The following PLCB4 variants were observed in gnomAD, a reference collection of about 807,000 sequenced individuals.
PLCB4 encodes the protein 1-phosphatidylinositol 4,5-bisphosphate phosphodiesterase beta-4.
In PLCB4, 77 loss-of-function variants were observed where a neutral mutation model predicts 178.8. The observed-to-expected ratio is 0.43, with a 90% CI of 0.36 to 0.52. The LOEUF (loss-of-function observed/expected upper bound fraction) is 0.52. Ranked by LOEUF, PLCB4 falls within the 20% of genes least tolerant of loss-of-function variation. The pLI is 0.00. For missense variants in PLCB4, 1,024 were observed against 1,453.4 expected (o/e 0.70, Z 4.80); for synonymous variants, 496 against 490.8 (o/e 1.01, Z -0.14).
chr20:9,382,118 C>T (rs1040936183), intron 13 of PLCB4, among the ~76,000 whole-genome samples: 1 of 152,168 alleles, frequency 6.6e-6, no homozygotes, highest in Non-Finnish European at 1.5e-5. Flanking sequence ...TAAAATAGTA[C>T]CGTTATTTAC....
Position 9,401,503 on chromosome 20 carries a change from G to C in PLCB4, c.1524G>C (p.Glu508Asp), listed in dbSNP as rs766115341. The part of the protein sequence containing the change: ...EEEIESADQE[E>D]EAHPEFKFGN... Reference sequence around the variant, plus strand: ...TCTTTCACACAGCTGACCAAGAGGAGGAAGCTCACCCCGAATTCAAATTTG... The same window carrying C: ...TCTTTCACACAGCTGACCAAGAGGACGAAGCTCACCCCGAATTCAAATTTG... The change falls in exon 20 of 40, where the codon GAG becomes GAC. Residue 508 changes from glutamate (E) to aspartate (D), a missense_variant. Physicochemically the swap from Glu to Asp is conservative, Grantham distance 45. Around this residue, in one of 7 missense-constraint regions of PLCB4, gnomAD observed 263 missense variants for 417.4 expected, o/e 0.63. Coordinates refer to ENST00000378473, the MANE Select transcript of PLCB4 (RefSeq NM_001377142.1). 8.7e-6 allele frequency: 14 copies of C among 1,613,120 alleles called. No individual in the cohort carries two copies. In the South Asian group the frequency reaches 9.9e-5, roughly 11 times the overall value.
intron 5 of PLCB4, among the ~76,000 whole-genome samples, chr20:9,337,594 C>A (rs1180827050): frequency 1.3e-5 from 2 of 151,976 alleles, no homozygotes; most frequent in African/African-American, 4.8e-5. Context: ...GGACTTAATT[C>A]GATGTATGGT....
intron 3 of PLCB4, among the ~76,000 whole-genome samples, chr20:9,228,855 C>T (rs1338964217): frequency 1.3e-5 from 2 of 152,098 alleles, no homozygotes; most frequent in Non-Finnish European, 2.9e-5. Context: ...ACTTCTGGGC[C>T]CATGCAGAAC....
chr20:9,316,058 A>G, intron 4 of PLCB4, among the ~76,000 whole-genome samples: 1 of 152,192 alleles, frequency 6.6e-6, no homozygotes, highest in Non-Finnish European at 1.5e-5. Flanking sequence ...TGTCGAAAGA[A>G]GAGCACCAAG....
chr20:9,084,891 A>C (rs1445146982), intron 1 of PLCB4, among the ~76,000 whole-genome samples: 2 of 152,046 alleles, frequency 1.3e-5, no homozygotes, highest in African/African-American at 4.8e-5. Flanking sequence ...TCTCTACTGA[A>C]AATACAAAAA....
rs2036383295 is a variant in PLCB4 at position 9,373,063 on chromosome 20, G to A, written c.703G>A (p.Asp235Asn). 2.0e-6 allele frequency: 3 copies of A among 1,523,766 alleles called. No individual in the cohort carries two copies. 94.4% of individuals were successfully genotyped at this position (1,523,766 alleles called of 1,614,324 possible). The change falls in exon 12 of 40, where the codon GAT becomes AAT. Residue 235 changes from aspartate to asparagine, a missense_variant. By Grantham distance (23) the Asp-to-Asn change is conservative (BLOSUM62 1). Around this residue, in one of 7 missense-constraint regions of PLCB4, gnomAD observed 225 missense variants for 291.0 expected, o/e 0.77. Coordinates refer to ENST00000378473, the MANE Select transcript of PLCB4 (RefSeq NM_001377142.1). The stretch of plus-strand genomic sequence containing the variant: ...TCTTTTCAGCAATGGAGACAAAACT[G>A]ATTATTTAACGGTAGACCAATTAGT... Reference protein sequence around the residue: ...LFKKINGDKTDYLTVDQLVSF... With the variant: ...LFKKINGDKTNYLTVDQLVSF...
rs1370858844 is a variant in PLCB4 at position 9,379,516 on chromosome 20, T to C, written c.745-538T>C. 2.6e-5 allele frequency among the ~76,000 whole-genome samples: 4 copies of C among 152,178 alleles called. No individual in the cohort carries two copies. In the South Asian group the frequency reaches 8.3e-4, roughly 31 times the overall value. ...AATAGTTACTCAAGAAAATGAAATT[T>C]GTTGAGTGCCCAAGAAATCATGGAT... On this transcript the variant is annotated intron_variant, in intron 12 of 39. Coordinates refer to ENST00000378473, the MANE Select transcript of PLCB4 (RefSeq NM_001377142.1).
chr20:9,098,750 T>TGTGTGTGC (rs1475536640), intron 2 of PLCB4, among the ~76,000 whole-genome samples: 1 of 147,226 alleles, frequency 6.8e-6, no homozygotes, highest in East Asian at 2.0e-4. Flanking sequence ...TATGTGTGTG[T>TGTGTGTGC]GTGTGTGTGT....
At chr20:9,352,156 AT>A (rs1012332989) in intron 7 of PLCB4, among the ~76,000 whole-genome samples, 8 of 152,158 alleles carry the variant, frequency 5.3e-5, no homozygotes, top group Non-Finnish European at 4.4e-5. Context: ...CAAAAATCTT[AT>A]TTTATTTTTG....
At chr20:9,221,093 A>G (rs1205540020) in intron 3 of PLCB4, among the ~76,000 whole-genome samples, 1 of 151,522 alleles carries the variant, frequency 6.6e-6, no homozygotes, top group Non-Finnish European at 1.5e-5. Context: ...GGCTCCCAGG[A>G]GAAACTAGTG....
intron 7 of PLCB4, among the ~76,000 whole-genome samples, chr20:9,349,053 TA>T (rs763846898): frequency 3.3e-3 from 443 of 133,920 alleles, no homozygotes; most frequent in Middle Eastern, 7.9e-3. Flanking sequence ...TACAGGATAG[TA>T]AAAAAAAAAA....
chr20:9,459,081 C>T (rs987816524), intron 34 of PLCB4, among the ~76,000 whole-genome samples: 6 of 152,200 alleles, frequency 3.9e-5, no homozygotes, highest in African/African-American at 7.2e-5. Flanking sequence ...TGGTGGCTCA[C>T]GCCTGTAATC....
At chr20:9,168,327 G>A (rs764789122) in intron 2 of PLCB4, among the ~76,000 whole-genome samples, 1 of 152,134 alleles carries the variant, frequency 6.6e-6, no homozygotes, top group Non-Finnish European at 1.5e-5. Flanking sequence ...GAGACAAGGT[G>A]TGCAAGGCTT....
At chr20:9,406,490 CA>C (rs1217785402) in intron 21 of PLCB4, among the ~76,000 whole-genome samples, 24 of 148,246 alleles carry the variant, frequency 1.6e-4, no homozygotes, top group African/African-American at 6.1e-4. Context: ...ACAAATTGAC[CA>C]TTTTTTTTTT....
At chr20:9,138,344 A>G (rs950807293) in intron 2 of PLCB4, among the ~76,000 whole-genome samples, 1 of 152,130 alleles carries the variant, frequency 6.6e-6, no homozygotes, top group Non-Finnish European at 1.5e-5. Flanking sequence ...AATATACTCT[A>G]AAAATATTAG....
At chr20:9,436,767 A>T (rs1050410030) in intron 29 of PLCB4, among the ~76,000 whole-genome samples, 1 of 151,976 alleles carries the variant, frequency 6.6e-6, no homozygotes, top group Non-Finnish European at 1.5e-5. Context: ...TCTTTACCAG[A>T]CTCCTCAGTT....
chr20:9,384,220 G>A lies in PLCB4; in HGVS notation c.873G>A (p.Gly291=), dbSNP rs1294893973. 2 of 1,613,854 alleles carry A rather than the reference G, an allele frequency of 1.2e-6. No homozygotes were observed. The highest frequency in any genetic ancestry group is 8.5e-7 in the Non-Finnish European group (1 of 1,179,752). The change falls in exon 14 of 40, where the codon GGG becomes GGA. Residue 291 remains glycine (G), a synonymous_variant. Transcript: ENST00000378473. ...CCCTAGGCCTTATATCAAGTGATGGGTTTTGCAGATATCTGATGTCAGATG... is the reference window on the plus strand; with the variant it reads ...CCCTAGGCCTTATATCAAGTGATGGATTTTGCAGATATCTGATGTCAGATG... ...LKKKGLISSD[G]FCRYLMSDEN...
chr20:9,152,136 T>C (rs2092702250), intron 2 of PLCB4, among the ~76,000 whole-genome samples: 1 of 152,122 alleles, frequency 6.6e-6, no homozygotes, highest in Non-Finnish European at 1.5e-5. Flanking sequence ...CTTTCAGTTT[T>C]ATAAGGGAAG....
intron 6 of PLCB4, among the ~76,000 whole-genome samples, chr20:9,338,580 G>A (rs527313950): frequency 7.2e-4 from 110 of 152,022 alleles, no homozygotes; most frequent in Non-Finnish European, 1.3e-3. Context: ...AGGAGGCTGC[G>A]GTGGGAGGAT....
Sources: gnomAD v4.1 joint callset for allele counts (sites outside exome capture counted in the v4.1 genomes callset) on GRCh38, gnomAD v4.1.1 for gene constraint, gnomAD v4.1.1 regional missense constraint, MANE v1.5 for transcripts, NCBI Gene and HGNC (gene_info 2026-07-23, HGNC 2026-07-21) for gene names.